The following PAK5 variants were observed in gnomAD, a reference collection of about 807,000 sequenced individuals.
The protein encoded by PAK5 is p21 (RAC1) activated kinase 5.
A neutral mutation model predicts 65.9 loss-of-function variants in PAK5; 16 were observed. The ratio of observed to expected loss-of-function variants is 0.24; its 90% confidence interval spans 0.16 to 0.37. PAK5 has a LOEUF of 0.37. Ranked by LOEUF, PAK5 falls within the 10% of genes least tolerant of loss-of-function variation. PAK5 has a pLI of 1.00. For missense variants in PAK5, 785 were observed against 903.9 expected, an observed-to-expected ratio of 0.87 and a Z score of 1.69; for synonymous variants, 371 against 354.9, an observed-to-expected ratio of 1.05 and a Z score of -0.51.
At chr20:9,819,370 G>T (rs2049393421) in intron 1 of PAK5, among the ~76,000 whole-genome samples, 1 of 152,186 alleles carries the variant, frequency 6.6e-6, no homozygotes, top group South Asian at 2.1e-4. Context: ...TAGGGCTAAA[G>T]AGTCTCTGTA....
At chr20:9,836,451 C>G (rs1979154692) in intron 1 of PAK5, among the ~76,000 whole-genome samples, 1 of 152,164 alleles carries the variant, frequency 6.6e-6, no homozygotes, top group Non-Finnish European at 1.5e-5. Flanking sequence ...CATGTGAATA[C>G]AGAGGCAGAG....
chr20:9,764,912 G>A (rs1285526960), intron 1 of PAK5, among the ~76,000 whole-genome samples: 1 of 152,146 alleles, frequency 6.6e-6, no homozygotes, highest in Non-Finnish European at 1.5e-5. Flanking sequence ...GACATTTACA[G>A]TACATCATAT....
chr20:9,588,201 A>G (rs1292470659), intron 3 of PAK5, among the ~76,000 whole-genome samples: 1 of 152,216 alleles, frequency 6.6e-6, no homozygotes, highest in Non-Finnish European at 1.5e-5. Context: ...GGTTACAAAC[A>G]TTTAGAAAGA....
At chr20:9,833,587 C>G (rs1328109460) in intron 1 of PAK5, among the ~76,000 whole-genome samples, 4 of 151,908 alleles carry the variant, frequency 2.6e-5, no homozygotes, top group Non-Finnish European at 5.9e-5. Flanking sequence ...TCCCATCTTA[C>G]CACCACCACT....
intron 1 of PAK5, among the ~76,000 whole-genome samples, chr20:9,791,745 G>T (rs2049052418): frequency 6.6e-6 from 1 of 152,118 alleles, no homozygotes; most frequent in African/African-American, 2.4e-5. Context: ...TGGTGATAAA[G>T]CAAAGAAGGA....
chr20:9,784,655 G>A (rs1181132370), intron 1 of PAK5: 2 of 82,538 alleles, frequency 2.4e-5, no homozygotes, highest in Non-Finnish European at 2.2e-5. Context: ...GAATGTATGA[G>A]ATCCAAGCCT....
At chr20:9,541,623 A>T (rs1235434394) in intron 9 of PAK5, among the ~76,000 whole-genome samples, 1 of 151,984 alleles carries the variant, frequency 6.6e-6, no homozygotes, top group Non-Finnish European at 1.5e-5. Flanking sequence ...CATGGCTGGT[A>T]CCTTCTTCCT....
intron 2 of PAK5, among the ~76,000 whole-genome samples, chr20:9,645,157 C>T (rs951832479): frequency 3.9e-5 from 6 of 152,160 alleles, no homozygotes; most frequent in African/African-American, 1.4e-4. Flanking sequence ...ATATTACCTG[C>T]AGAGAAGGGT....
intron 9 of PAK5, among the ~76,000 whole-genome samples, chr20:9,541,221 ACT>A (rs1256576462): frequency 2.0e-5 from 3 of 151,968 alleles, no homozygotes; most frequent in Admixed American, 6.6e-5. Context: ...GCAGCCACAC[ACT>A]CTCTTTTATT....
At chr20:9,792,615 A>T (rs1248468342) in intron 1 of PAK5, among the ~76,000 whole-genome samples, 1 of 152,182 alleles carries the variant, frequency 6.6e-6, no homozygotes, top group Non-Finnish European at 1.5e-5. Flanking sequence ...AAGTGGAGAC[A>T]ATCCTTTTGA....
chr20:9,615,647 C>T (rs754230314), intron 3 of PAK5, among the ~76,000 whole-genome samples: 8 of 152,216 alleles, frequency 5.3e-5, no homozygotes, highest in Admixed American at 2.0e-4. Flanking sequence ...GTTCCAGTTA[C>T]TGCTGCTGCA....
chr20:9,680,914 G>A (rs113834475), intron 2 of PAK5, among the ~76,000 whole-genome samples: 1,559 of 152,180 alleles, frequency 0.01, 28 homozygotes, highest in African/African-American at 0.034. Context: ...TGTTAGGTGC[G>A]GCGTTTTATG....
At chr20:9,811,934 A>G (rs2050106) in intron 1 of PAK5, among the ~76,000 whole-genome samples, 101,069 of 151,874 alleles carry the variant, frequency 0.67, 33,889 homozygotes, top group East Asian at 0.77. Flanking sequence ...ATCTCCATCC[A>G]CCTCAGTTTC....
intron 1 of PAK5, among the ~76,000 whole-genome samples, chr20:9,721,444 TTGAGACCAGCCTGGCCAACATGG>T (rs1813179470): frequency 6.6e-6 from 1 of 151,878 alleles, no homozygotes; most frequent in Non-Finnish European, 1.5e-5. Context: ...GGTCAGGAGT[TTGAGACCAGCCTGGCCAACATGG>T]TGAAACCCCG....
At chr20:9,573,478 T>C (rs2026339) in intron 4 of PAK5, among the ~76,000 whole-genome samples, 73,584 of 152,114 alleles carry the variant, frequency 0.48, 21,034 homozygotes, top group African/African-American at 0.81. Context: ...TTACAGCTGG[T>C]TGTCAGCCAG....
At chr20:9,782,705 C>T (rs981919384) in intron 1 of PAK5, among the ~76,000 whole-genome samples, 29 of 152,050 alleles carry the variant, frequency 1.9e-4, no homozygotes, top group African/African-American at 6.0e-4. Context: ...ATTGTAGATA[C>T]AGTAATAGAA....
At chr20:9,772,990 A>T (rs977543403) in intron 1 of PAK5, among the ~76,000 whole-genome samples, 2 of 152,222 alleles carry the variant, frequency 1.3e-5, no homozygotes, top group Non-Finnish European at 2.9e-5. Context: ...GCTTTTGAGG[A>T]AACTCAAACT....
chr20:9,755,664 G>A (rs1258533130), intron 1 of PAK5, among the ~76,000 whole-genome samples: 1 of 152,160 alleles, frequency 6.6e-6, no homozygotes. Flanking sequence ...ACTAGACAGA[G>A]TTCAACTCAT....
chr20:9,720,645 T>TTC (rs2048202943), intron 1 of PAK5, among the ~76,000 whole-genome samples: 1 of 152,056 alleles, frequency 6.6e-6, no homozygotes, highest in South Asian at 2.1e-4. Context: ...AACAGAAATG[T>TTC]AGTATAGGAA....
Sources: gnomAD v4.1 joint callset for allele counts (sites outside exome capture counted in the v4.1 genomes callset) on GRCh38, gnomAD v4.1.1 for gene constraint, MANE v1.5 for transcripts, NCBI Gene and HGNC (gene_info 2026-07-23, HGNC 2026-07-21) for gene names.